Variants in ATXN10 observed in about 807,000 individuals in gnomAD.
ATXN10 encodes ataxin 10.
Under a neutral mutation model 52.9 loss-of-function variants are expected in ATXN10, and 28 were observed. The ratio of observed to expected loss-of-function variants is 0.53; its 90% CI spans 0.39 to 0.73. The LOEUF (loss-of-function observed/expected upper bound fraction) is 0.73. Among genes scored for constraint, ATXN10 ranks in the 30% least tolerant of loss-of-function variants. ATXN10 has a pLI of 0.00. For missense variants in ATXN10, 565 were observed against 577.0 expected, an observed-to-expected ratio of 0.98 and a Z score of 0.21; for synonymous variants, 226 against 221.5, an observed-to-expected ratio of 1.02 and a Z score of -0.18.
chr22:45,742,820 T>A (rs888236577), intron 9 of ATXN10, among the ~76,000 whole-genome samples: 15 of 86,520 alleles, frequency 1.7e-4, no homozygotes, highest in African/African-American at 7.9e-4. Flanking sequence ...TTCAGGAGAG[T>A]GAGACTACTG....
rs1923224800 is a variant in ATXN10, at chr22:45,688,214, A to G, written c.117-1498A>G. ...TTAATTTGGTCACTCAGTTGCCGAG[A>G]CACTGAGTCAAAGTTTCATTATTTA... is the stretch of plus-strand genomic sequence containing the variant. On this transcript the variant is annotated intron_variant, in intron 1 of 11. Coordinates refer to ENST00000252934, the MANE Select transcript of ATXN10 (RefSeq NM_013236.4). This position sits in a 1 kb window ranked among gnomAD's most constrained non-coding sequence, Gnocchi z 4.0. Among the ~76,000 whole-genome samples, 1 of 152,220 alleles carries G rather than the reference A, an allele frequency of 6.6e-6. No individual in the cohort carries two copies. The highest frequency in any genetic ancestry group is 1.5e-5 in the Non-Finnish European group (1 of 68,038).
chr22:45,727,327 ATCTATATCTATC>A lies in ATXN10; in HGVS notation c.729-2096_729-2085del, dbSNP rs1330997972. ...TATAGTTCTGTCTGTCTGTCTATCT[ATCTATATCTATC>A]TATCTATCTATCTATCTATCTATCT... On this transcript the variant is annotated intron_variant, in intron 6 of 11. Coordinates refer to ENST00000252934, the MANE Select transcript of ATXN10 (RefSeq NM_013236.4). The surrounding 1 kb of genome is among the most constrained non-coding windows in gnomAD (Gnocchi z 4.6). Among the ~76,000 whole-genome samples the A allele has an allele frequency of 1.5e-3, 183 of 125,618 alleles. 1 individual carries two copies. Among genetic ancestry groups the A allele is most frequent in the African/African-American group, 5.5e-3 (178 of 32,214 alleles). The allele number at this position is 125,618 out of a possible 152,430, so 82.4% of individuals were successfully genotyped here.
At chr22:45,831,589 T>C (rs551211527) in intron 10 of ATXN10, among the ~76,000 whole-genome samples, 1 of 152,322 alleles carries the variant, frequency 6.6e-6, no homozygotes, top group African/African-American at 2.4e-5. Context: ...TCTTATTTCA[T>C]CTTTGCATCC....
chr22:45,776,182 G>A (rs1196157975), intron 9 of ATXN10, among the ~76,000 whole-genome samples: 1 of 152,190 alleles, frequency 6.6e-6, no homozygotes, highest in Non-Finnish European at 1.5e-5. Flanking sequence ...TTGTGTAAAG[G>A]CTTCAGTGAT....
chr22:45,727,678 A>T lies in ATXN10; in HGVS notation c.729-1747A>T, dbSNP rs575214502. Among the ~76,000 whole-genome samples, 88 of 152,190 alleles carry T rather than the reference A, an allele frequency of 5.8e-4. No homozygotes were observed. The highest frequency in any genetic ancestry group is 1.1e-3 in the Non-Finnish European group (77 of 67,998). On this transcript the variant is annotated intron_variant, in intron 6 of 11. Transcript: ENST00000252934. The surrounding 1 kb of genome is among the most constrained non-coding windows in gnomAD (Gnocchi z 4.6). ...ACCCAGCCAATATATTTTGATTTTT[A>T]AAAAAATAAATTGAGACTTGCTTTG...
At chr22:45,731,040 G>A (rs11914131) in intron 7 of ATXN10, among the ~76,000 whole-genome samples, 2,296 of 152,232 alleles carry the variant, frequency 0.015, 52 homozygotes, top group African/African-American at 0.045. Flanking sequence ...TTATCAGGGC[G>A]TGGAAGGGAG....
chr22:45,688,746 C>G lies in ATXN10; in HGVS notation c.117-966C>G, dbSNP rs368756549. Among the ~76,000 whole-genome samples the G allele has an allele frequency of 6.6e-5, 10 of 152,146 alleles. No homozygotes were observed. In the East Asian group the frequency reaches 1.9e-3, roughly 29 times the overall value. ...AAGGTAGGGCACTGTGAATCTACAGCGAGAGCAGAAGGAGAAAATTCATAT... is the reference window on the plus strand; with the variant it reads ...AAGGTAGGGCACTGTGAATCTACAGGGAGAGCAGAAGGAGAAAATTCATAT... On this transcript the variant is annotated intron_variant, in intron 1 of 11. Coordinates refer to ENST00000252934, the MANE Select transcript of ATXN10 (RefSeq NM_013236.4). The surrounding 1 kb of genome is among the most constrained non-coding windows in gnomAD (Gnocchi z 4.0).
intron 9 of ATXN10, among the ~76,000 whole-genome samples, chr22:45,748,061 C>T (rs1925803159): frequency 6.6e-6 from 1 of 152,020 alleles, no homozygotes; most frequent in African/African-American, 2.4e-5. Context: ...AGCCAGTGCT[C>T]CCAGGTGCTT....
At chr22:45,714,689 A>G (rs1448807909) in intron 5 of ATXN10, among the ~76,000 whole-genome samples, 4 of 152,096 alleles carry the variant, frequency 2.6e-5, no homozygotes, top group Non-Finnish European at 1.5e-5. Context: ...GCCATATGAT[A>G]CTTTTTTATG....
At chr22:45,814,157 C>T (rs889048989) in intron 10 of ATXN10, among the ~76,000 whole-genome samples, 1 of 152,140 alleles carries the variant, frequency 6.6e-6, no homozygotes, top group African/African-American at 2.4e-5. Context: ...ATTGGGCAAG[C>T]GTTTCTTAAG....
rs184630568 is a variant in ATXN10 at position 45,828,498 on chromosome 22, T to C, written c.1238-14493T>C. ...TTGCTTTTTTAAAGATCAACAAAAG[T>C]TGACCAACTTTTAGCTAGGTGGACT... On this transcript the variant is annotated intron_variant, in intron 10 of 11. Transcript: ENST00000252934. This position sits in a 1 kb window ranked among gnomAD's most constrained non-coding sequence, Gnocchi z 4.5. Among the ~76,000 whole-genome samples the C allele has an allele frequency of 2.4e-3, 358 of 152,154 alleles. 2 individuals are homozygous for C. The highest frequency in any genetic ancestry group is 8.2e-3 in the African/African-American group (339 of 41,542).
intron 3 of ATXN10, among the ~76,000 whole-genome samples, chr22:45,695,724 C>A (rs908370139): frequency 4.6e-5 from 7 of 151,914 alleles, no homozygotes; most frequent in African/African-American, 1.7e-4. Flanking sequence ...GAACTCCTGA[C>A]CTCATAATCT....
rs80271164 is a variant in ATXN10, at chr22:45,757,020, G to A, written c.1173+16482G>A. ...AGAGGGAAGGAGTGGAGAAGAACCA[G>A]ACGAGAGACACGGTTCCAGATGCTT... On this transcript the variant is annotated intron_variant, in intron 9 of 11. Coordinates refer to ENST00000252934, the MANE Select transcript of ATXN10 (RefSeq NM_013236.4). The surrounding 1 kb of genome is among the most constrained non-coding windows in gnomAD (Gnocchi z 4.6). Among the ~76,000 whole-genome samples the A allele has an allele frequency of 2.0e-5, 3 of 152,186 alleles. No individual in the cohort carries two copies. Among genetic ancestry groups the A allele is most frequent in the Non-Finnish European group, 4.4e-5 (3 of 68,034 alleles).
chr22:45,816,584 C>T lies in ATXN10; in HGVS notation c.1237+9562C>T, dbSNP rs1005358566. ...CAGGTGGGAACTATGTCATCTTGTT[C>T]CTGTACCCTGAGTGCATTCCCAACA... On this transcript the variant is annotated intron_variant, in intron 10 of 11. Transcript: ENST00000252934. The surrounding 1 kb of genome is among the most constrained non-coding windows in gnomAD (Gnocchi z 5.8). Among the ~76,000 whole-genome samples, 16 of 152,206 alleles carry T rather than the reference C, an allele frequency of 1.1e-4. No individual in the cohort carries two copies. The highest frequency in any genetic ancestry group is 2.6e-4 in the Admixed American group (4 of 15,280).
rs1928584046 is a variant in ATXN10, at chr22:45,819,633, G to A, written c.1237+12611G>A. ...CAGGAAAGCTGCTGGATTGAGACTG[G>A]AGGGAAGTGTGACTGCCTGTGCATG... On this transcript the variant is annotated intron_variant, in intron 10 of 11. Transcript: ENST00000252934. This position sits in a 1 kb window ranked among gnomAD's most constrained non-coding sequence, Gnocchi z 4.5. 2.6e-5 allele frequency among the ~76,000 whole-genome samples: 4 copies of A among 152,224 alleles called. No homozygotes were observed. The South Asian group carries it at 8.3e-4, about 32-fold the overall frequency.
intron 3 of ATXN10, among the ~76,000 whole-genome samples, chr22:45,698,831 T>C (rs1357207329): frequency 6.6e-6 from 1 of 152,248 alleles, no homozygotes; most frequent in African/African-American, 2.4e-5. Flanking sequence ...AAAAATTTTA[T>C]GGTGTGTTAG....
chr22:45,782,050 C>CAA (rs1157328667), intron 9 of ATXN10, among the ~76,000 whole-genome samples: 3 of 152,276 alleles, frequency 2.0e-5, no homozygotes, highest in East Asian at 3.9e-4. Flanking sequence ...CATAAACCTA[C>CAA]AAATTCAAGA....
chr22:45,765,566 A>T (rs1926553094), intron 9 of ATXN10, among the ~76,000 whole-genome samples: 1 of 152,154 alleles, frequency 6.6e-6, no homozygotes, highest in Admixed American at 6.5e-5. Flanking sequence ...CCTTGGCATT[A>T]CCTAAGTTCC....
In ATXN10 at chr22:45,833,912, A is replaced by C. The variant is rs941071098; in HGVS notation, c.1238-9079A>C. Reference sequence around the variant, plus strand: ...GCCAGAGCCTGACTGCCTACTTCCAAATCCACCTTGAACACATCCAGTTGC... The same window carrying C: ...GCCAGAGCCTGACTGCCTACTTCCACATCCACCTTGAACACATCCAGTTGC... On this transcript the variant is annotated intron_variant, in intron 10 of 11. Coordinates refer to ENST00000252934, the MANE Select transcript of ATXN10 (RefSeq NM_013236.4). The surrounding 1 kb of genome is among the most constrained non-coding windows in gnomAD (Gnocchi z 4.3). 6.6e-6 allele frequency among the ~76,000 whole-genome samples: 1 copy of C among 152,124 alleles called. No homozygotes were observed. The highest frequency in any genetic ancestry group is 2.4e-5 in the African/African-American group (1 of 41,414).
Sources: gnomAD v4.1 joint callset for allele counts (sites outside exome capture counted in the v4.1 genomes callset) on GRCh38, gnomAD v4.1.1 for gene constraint, Gnocchi (gnomAD v3.1) non-coding constraint, MANE v1.5 for transcripts, NCBI Gene and HGNC (gene_info 2026-07-23, HGNC 2026-07-21) for gene names.